The following CTNND2 variants were observed in gnomAD, a reference collection of about 807,000 sequenced individuals.
CTNND2 encodes the protein catenin delta-2.
In CTNND2, 22 loss-of-function variants were observed where a neutral mutation model predicts 144.4. The ratio of observed to expected loss-of-function variants is 0.15; its 90% CI spans 0.11 to 0.22. CTNND2 has a LOEUF of 0.22. Among genes scored for constraint, CTNND2 ranks in the 10% least tolerant of loss-of-function variants. CTNND2 has a pLI of 1.00. For missense variants in CTNND2, 1,353 were observed against 1,618.8 expected (o/e 0.84, Z 2.82); for synonymous variants, 751 against 695.6 (o/e 1.08, Z -1.25).
intron 9 of CTNND2, among the ~76,000 whole-genome samples, chr5:11,304,403 C>T (rs560807304): frequency 6.6e-6 from 1 of 152,066 alleles, no homozygotes; most frequent in African/African-American, 2.4e-5. Context: ...CACACTTACA[C>T]ACACACACAA....
At chr5:11,670,867 G>A (rs1003628412) in intron 2 of CTNND2, among the ~76,000 whole-genome samples, 1 of 152,180 alleles carries the variant, frequency 6.6e-6, no homozygotes, top group African/African-American at 2.4e-5. Flanking sequence ...TTTCTTCATA[G>A]TGTCAATGGT....
rs1295718095 is a variant in CTNND2, at chr5:11,136,317, G to A, written c.2160-18750C>T. 2.0e-5 allele frequency among the ~76,000 whole-genome samples: 3 copies of A among 152,088 alleles called. No homozygotes were observed. In the East Asian group the frequency reaches 5.8e-4, roughly 29 times the overall value. On this transcript the variant is annotated intron_variant, in intron 12 of 21. Transcript: ENST00000304623. The stretch of plus-strand genomic sequence containing the variant: ...TTAGTTCTGAATTTTCTTCATCTTA[G>A]AGGTCATGAATTAAATTAGTGATGA...
chr5:11,584,404 T>C lies in CTNND2; in HGVS notation c.175-19348A>G, dbSNP rs376538955. On this transcript the variant is annotated intron_variant, in intron 2 of 21. Transcript: ENST00000304623. The stretch of plus-strand genomic sequence containing the variant: ...TTAAAATTAGTTTTTGTTCTATATA[T>C]ACATATATATATATTTTTTTTGGGG... Among the ~76,000 whole-genome samples, 5 of 126,426 alleles carry C rather than the reference T, an allele frequency of 4.0e-5. No homozygotes were observed. In the East Asian group the frequency reaches 7.6e-4, roughly 19 times the overall value. The allele number at this position is 126,426 out of a possible 152,430, so 82.9% of individuals were successfully genotyped here. A position where few individuals can be genotyped will look rare whatever the true frequency, so the allele number is the denominator to read the frequency against.
chr5:11,670,659 C>G (rs1330694046), intron 2 of CTNND2, among the ~76,000 whole-genome samples: 1 of 145,964 alleles, frequency 6.9e-6, no homozygotes, highest in African/African-American at 2.8e-5. Context: ...TATTTTGAAC[C>G]TATGTGTGTC....
chr5:11,755,507 T>C (rs1693959993), intron 1 of CTNND2, among the ~76,000 whole-genome samples: 1 of 151,726 alleles, frequency 6.6e-6, no homozygotes. Flanking sequence ...GCTAGGAAAG[T>C]TTTCAGGGAA....
intron 1 of CTNND2, among the ~76,000 whole-genome samples, chr5:11,828,198 T>C (rs185179195): frequency 5.1e-4 from 78 of 152,278 alleles, no homozygotes; most frequent in Non-Finnish European, 9.4e-4. Flanking sequence ...GTTCCCGTGA[T>C]AGTGAATAAG....
At chr5:11,650,917 A>C (rs552451093) in intron 2 of CTNND2, among the ~76,000 whole-genome samples, 8 of 152,360 alleles carry the variant, frequency 5.3e-5, no homozygotes, top group Admixed American at 2.6e-4. Flanking sequence ...AGAGTAAAAA[A>C]GTTCAGAAAA....
At chr5:11,664,653 T>C (rs750854858) in intron 2 of CTNND2, among the ~76,000 whole-genome samples, 9 of 152,192 alleles carry the variant, frequency 5.9e-5, no homozygotes, top group Non-Finnish European at 1.0e-4. Flanking sequence ...TAATTTATCA[T>C]AGAAAAAACA....
At chr5:11,606,787 T>C (rs1430664213) in intron 2 of CTNND2, among the ~76,000 whole-genome samples, 2 of 152,186 alleles carry the variant, frequency 1.3e-5, no homozygotes, top group Non-Finnish European at 2.9e-5. Context: ...TCTTCAGGAT[T>C]TGTTCATCAA....
At chr5:11,790,868 A>G (rs1469159404) in intron 1 of CTNND2, among the ~76,000 whole-genome samples, 1 of 152,230 alleles carries the variant, frequency 6.6e-6, no homozygotes, top group Non-Finnish European at 1.5e-5. Flanking sequence ...TATTCCCCAG[A>G]TAGATACGTT....
intron 3 of CTNND2, among the ~76,000 whole-genome samples, chr5:11,412,884 A>G (rs1244685814): frequency 6.6e-6 from 1 of 152,130 alleles, no homozygotes; most frequent in Non-Finnish European, 1.5e-5. Context: ...ATGATATTTT[A>G]CTCTGTTCAA....
At chr5:11,595,193 T>C (rs903420076) in intron 2 of CTNND2, among the ~76,000 whole-genome samples, 1 of 151,904 alleles carries the variant, frequency 6.6e-6, no homozygotes, top group African/African-American at 2.4e-5. Context: ...AGGAAAAAAA[T>C]GGGAAAACAG....
intron 21 of CTNND2, among the ~76,000 whole-genome samples, chr5:10,975,778 G>C (rs1736389916): frequency 6.6e-6 from 1 of 152,228 alleles, no homozygotes; most frequent in African/African-American, 2.4e-5. Flanking sequence ...GGAAGGCAGT[G>C]CAGGGGACAG....
intron 3 of CTNND2, among the ~76,000 whole-genome samples, chr5:11,459,322 C>T (rs1321460387): frequency 6.6e-6 from 1 of 152,152 alleles, no homozygotes; most frequent in Non-Finnish European, 1.5e-5. Flanking sequence ...GATCTTACTT[C>T]TGTAAACAAT....
intron 9 of CTNND2, among the ~76,000 whole-genome samples, chr5:11,265,931 G>A (rs1483188003): frequency 1.3e-5 from 2 of 151,766 alleles, no homozygotes; most frequent in South Asian, 2.1e-4. Flanking sequence ...AGGCTGGTCT[G>A]GAACTCCTGA....
chr5:11,880,317 C>A (rs573821345), intron 1 of CTNND2, among the ~76,000 whole-genome samples: 1 of 152,074 alleles, frequency 6.6e-6, no homozygotes, highest in East Asian at 1.9e-4. Context: ...AACAAAAGTT[C>A]TGTAAGAGTT....
rs1484336084 is a variant in CTNND2, at chr5:11,820,374, T to C, written c.37+83443A>G. Among the ~76,000 whole-genome samples, 3 of 152,304 alleles carry C rather than the reference T, an allele frequency of 2.0e-5. No homozygotes were observed. In the East Asian group the frequency reaches 5.8e-4, roughly 29 times the overall value. On this transcript the variant is annotated intron_variant, in intron 1 of 21. Coordinates refer to ENST00000304623, the MANE Select transcript of CTNND2 (RefSeq NM_001332.4). Reference sequence around the variant, plus strand: ...TTAAGGCTCAAACTTAGAAGAAGAATGGTGCCGGGGAACACGACTGGAGGT... The same window carrying C: ...TTAAGGCTCAAACTTAGAAGAAGAACGGTGCCGGGGAACACGACTGGAGGT...
chr5:11,310,909 C>G (rs1485018202), intron 9 of CTNND2, among the ~76,000 whole-genome samples: 2 of 145,726 alleles, frequency 1.4e-5, no homozygotes, highest in Non-Finnish European at 3.0e-5. Context: ...CACTCACACA[C>G]ACTCCCCATA....
chr5:11,640,896 T>C (rs1781965960), intron 2 of CTNND2, among the ~76,000 whole-genome samples: 1 of 152,212 alleles, frequency 6.6e-6, no homozygotes, highest in Non-Finnish European at 1.5e-5. Context: ...TGCTGACCAA[T>C]GGGAGTGGTA....
Sources: gnomAD v4.1 joint callset for allele counts (sites outside exome capture counted in the v4.1 genomes callset) on GRCh38, gnomAD v4.1.1 for gene constraint, MANE v1.5 for transcripts, NCBI Gene and HGNC (gene_info 2026-07-23, HGNC 2026-07-21) for gene names.